The following PPP1R9A variants were observed in gnomAD, a reference collection of about 807,000 sequenced individuals.
PPP1R9A encodes the protein neurabin-1.
A neutral mutation model predicts 141.9 loss-of-function variants in PPP1R9A; 59 were observed. The ratio of observed to expected loss-of-function variants is 0.42; its 90% CI spans 0.34 to 0.52. The LOEUF is 0.52. PPP1R9A is among the 20% of genes least tolerant of loss of function. The probability of loss-of-function intolerance (pLI) is 0.10; values close to 1 mark genes in which losing one functional copy is unlikely to be tolerated. For missense variants in PPP1R9A, 1,444 were observed against 1,611.9 expected, an observed-to-expected ratio of 0.90 and a Z score of 1.78; for synonymous variants, 500 against 569.7, an observed-to-expected ratio of 0.88 and a Z score of 1.74.
At chr7:95,206,144 C>T (rs1477157445) in intron 7 of PPP1R9A, among the ~76,000 whole-genome samples, 2 of 152,116 alleles carry the variant, frequency 1.3e-5, no homozygotes, top group Admixed American at 1.3e-4. Flanking sequence ...TTATCTCCTT[C>T]CCAATGTATT....
intron 2 of PPP1R9A, among the ~76,000 whole-genome samples, chr7:95,019,446 A>C (rs1416861311): frequency 2.0e-5 from 3 of 152,326 alleles, no homozygotes; most frequent in Middle Eastern, 6.8e-3. Flanking sequence ...GGGGCATGAC[A>C]CAGTAAGGTC....
intron 2 of PPP1R9A, among the ~76,000 whole-genome samples, chr7:94,948,915 C>G (rs1378745888): frequency 6.6e-6 from 1 of 152,016 alleles, no homozygotes; most frequent in Non-Finnish European, 1.5e-5. Flanking sequence ...ATCACTACGC[C>G]AAAACCCTGG....
chr7:95,283,878 C>A, intron 16 of PPP1R9A, 140 bp from the exon 17 acceptor site: 1 of 699,898 alleles, frequency 1.4e-6, no homozygotes. Flanking sequence ...GTGTTGTAGT[C>A]AAAAGTGCAA....
At chr7:95,115,062 A>G (rs979712228) in intron 3 of PPP1R9A, among the ~76,000 whole-genome samples, 8 of 152,132 alleles carry the variant, frequency 5.3e-5, no homozygotes, top group Non-Finnish European at 1.2e-4. Context: ...AAGGAAGAGT[A>G]GTATATGTAA....
intron 4 of PPP1R9A, among the ~76,000 whole-genome samples, chr7:95,123,114 A>C (rs977768336): frequency 2.0e-5 from 3 of 152,176 alleles, no homozygotes; most frequent in Non-Finnish European, 4.4e-5. Context: ...GTTGTTCTAA[A>C]CATAGACATA....
chr7:95,183,482 G>T (rs1585127018), intron 5 of PPP1R9A, among the ~76,000 whole-genome samples: 1 of 104,706 alleles, frequency 9.6e-6, no homozygotes, highest in African/African-American at 3.8e-5. Context: ...ACAGAGTCTT[G>T]CTCTGTTGCC....
At chr7:94,927,192 C>T (rs781604826) in intron 2 of PPP1R9A, among the ~76,000 whole-genome samples, 13 of 151,972 alleles carry the variant, frequency 8.6e-5, no homozygotes, top group Middle Eastern at 3.2e-3. Flanking sequence ...TTTGCAGATA[C>T]GTAAAAACCA....
chr7:95,258,981 T>C (rs957248451), intron 12 of PPP1R9A, among the ~76,000 whole-genome samples: 8 of 152,186 alleles, frequency 5.3e-5, no homozygotes, highest in Admixed American at 3.3e-4. Context: ...AAAAGGCATA[T>C]TCAAAAACAT....
intron 2 of PPP1R9A, among the ~76,000 whole-genome samples, chr7:95,047,275 T>C (rs761008104): frequency 7.0e-4 from 107 of 152,350 alleles, no homozygotes; most frequent in Non-Finnish European, 1.2e-3. Flanking sequence ...TAAGCAGTGT[T>C]TCGGCACAAA....
chr7:94,953,719 C>T (rs191877942), intron 2 of PPP1R9A, among the ~76,000 whole-genome samples: 1 of 152,138 alleles, frequency 6.6e-6, no homozygotes, highest in Admixed American at 6.6e-5. Flanking sequence ...CTCTTTGTAG[C>T]AGTTATGAAT....
chr7:95,177,930 A>G (rs1025323306), intron 5 of PPP1R9A, among the ~76,000 whole-genome samples: 1 of 152,180 alleles, frequency 6.6e-6, no homozygotes, highest in Non-Finnish European at 1.5e-5. Context: ...CAACACAGTA[A>G]TAGTGGGGGA....
chr7:95,072,610 A>T (rs894312180), intron 2 of PPP1R9A, among the ~76,000 whole-genome samples: 11 of 131,012 alleles, frequency 8.4e-5, no homozygotes, highest in Middle Eastern at 3.4e-3. Flanking sequence ...GTGATTTTTT[A>T]AAAAATGTAA....
At chr7:95,265,940 C>G (rs1801218993) in intron 12 of PPP1R9A, among the ~76,000 whole-genome samples, 1 of 152,106 alleles carries the variant, frequency 6.6e-6, no homozygotes, top group African/African-American at 2.4e-5. Context: ...ACCTAGTCAG[C>G]TAATGTTAAA....
intron 2 of PPP1R9A, among the ~76,000 whole-genome samples, chr7:95,014,506 T>C (rs1415733243): frequency 6.6e-6 from 1 of 152,068 alleles, no homozygotes; most frequent in Non-Finnish European, 1.5e-5. Context: ...ATTTGTCCAA[T>C]TATTGATTAT....
intron 5 of PPP1R9A, among the ~76,000 whole-genome samples, chr7:95,194,562 A>G (rs1156883659): frequency 1.3e-5 from 2 of 152,112 alleles, no homozygotes; most frequent in East Asian, 1.9e-4. Flanking sequence ...TTATATATCA[A>G]ATGATTCTAG....
At chr7:95,040,145 A>G (rs1322639501) in intron 2 of PPP1R9A, among the ~76,000 whole-genome samples, 8 of 152,186 alleles carry the variant, frequency 5.3e-5, no homozygotes. Context: ...TTTCACATAG[A>G]TGTTTTAAAC....
At chr7:95,228,867 T>C (rs942498715) in intron 8 of PPP1R9A, among the ~76,000 whole-genome samples, 1 of 152,188 alleles carries the variant, frequency 6.6e-6, no homozygotes, top group Admixed American at 6.5e-5. Flanking sequence ...ATTCATTATA[T>C]AAGTCACATA....
At chr7:95,260,956 T>TA (rs2062678545) in intron 12 of PPP1R9A, among the ~76,000 whole-genome samples, 1 of 152,214 alleles carries the variant, frequency 6.6e-6, no homozygotes, top group Non-Finnish European at 1.5e-5. Context: ...TTCACCATGA[T>TA]ATATACATAT....
In PPP1R9A at chr7:95,179,138, AT is replaced by A. The variant is rs541808963; in HGVS notation, c.1754+17168del. On this transcript the variant is annotated intron_variant, in intron 5 of 19. Transcript: ENST00000433360. Reference sequence around the variant, plus strand: ...CAAAATCCTTAACAAAATACTAGTTATCCAAATCCAACAGCATATCAAAAAG... The same window carrying A: ...CAAAATCCTTAACAAAATACTAGTTACCAAATCCAACAGCATATCAAAAAG... Among the ~76,000 whole-genome samples, 27 of 152,300 alleles carry A rather than the reference AT, an allele frequency of 1.8e-4. 1 individual carries two copies. In the East Asian group the frequency reaches 5.2e-3, roughly 29 times the overall value.
Sources: allele counts gnomAD v4.1 joint callset (sites outside exome capture counted in the v4.1 genomes callset), GRCh38; gene constraint gnomAD v4.1.1; transcripts MANE v1.5; gene names NCBI Gene and HGNC (gene_info 2026-07-23, HGNC 2026-07-21).